The following SPMAP2L variants were observed in gnomAD, a reference collection of about 807,000 sequenced individuals.
The protein encoded by SPMAP2L is sperm microtubule associated protein 2-like.
At chr4:56,554,626 CTT>C in the SPMAP2L span, among the ~76,000 whole-genome samples, 1 of 152,120 alleles carries the variant, frequency 6.6e-6, no homozygotes, top group Non-Finnish European at 1.5e-5. Context: ...TTTTCATTCT[CTT>C]AGCAGTGTGT....
the SPMAP2L span, among the ~76,000 whole-genome samples, chr4:56,538,223 A>G: frequency 6.6e-6 from 1 of 152,210 alleles, no homozygotes; most frequent in African/African-American, 2.4e-5. Flanking sequence ...ACTCGCCCTC[A>G]TGCTCACTTG....
At chr4:56,539,956 G>T in the SPMAP2L span, among the ~76,000 whole-genome samples, 1 of 152,174 alleles carries the variant, frequency 6.6e-6, no homozygotes, top group South Asian at 2.1e-4. Flanking sequence ...CTTGGACAGG[G>T]ATTTAAGTTT....
chr4:56,563,234 A>G, the SPMAP2L span, among the ~76,000 whole-genome samples: 1 of 150,312 alleles, frequency 6.7e-6, no homozygotes, highest in Non-Finnish European at 1.5e-5. Context: ...CTAGGACTAC[A>G]GGCACATGTC....
the SPMAP2L span, among the ~76,000 whole-genome samples, chr4:56,602,398 A>G: frequency 6.6e-6 from 1 of 152,232 alleles, no homozygotes; most frequent in African/African-American, 2.4e-5. Flanking sequence ...TTCTCTGTTC[A>G]TTAAAGAGAA....
At chr4:56,574,230 G>A in the SPMAP2L span, among the ~76,000 whole-genome samples, 2 of 152,036 alleles carry the variant, frequency 1.3e-5, no homozygotes, top group Non-Finnish European at 2.9e-5. Flanking sequence ...GGCTAGCCTA[G>A]ATAATATAGC....
chr4:56,575,260 GA>G, the SPMAP2L span, among the ~76,000 whole-genome samples: 114 of 138,732 alleles, frequency 8.2e-4, 1 homozygote, highest in Middle Eastern at 3.8e-3. Flanking sequence ...AAAAAAAAAA[GA>G]AAAAAAAGAA....
the SPMAP2L span, among the ~76,000 whole-genome samples, chr4:56,566,720 A>T: frequency 1.1e-5 from 1 of 93,684 alleles, no homozygotes; most frequent in African/African-American, 3.3e-5. Context: ...TTTTTTTGGC[A>T]GAGTTTTGCT....
At chr4:56,548,662 A>AT in the SPMAP2L span, 1 of 500,002 alleles carries the variant, frequency 2.0e-6, no homozygotes, top group Non-Finnish European at 3.3e-6. Flanking sequence ...ACTATGATAT[A>AT]TTTCAGTTGG....
the SPMAP2L span, among the ~76,000 whole-genome samples, chr4:56,545,081 C>G: frequency 6.6e-6 from 1 of 152,176 alleles, no homozygotes; most frequent in Admixed American, 6.5e-5. Context: ...ATGTGATTGA[C>G]TAATCTATGA....
chr4:56,541,862 C>T, the SPMAP2L span, among the ~76,000 whole-genome samples: 1 of 152,204 alleles, frequency 6.6e-6, no homozygotes, highest in South Asian at 2.1e-4. Flanking sequence ...GTTGCCCAGG[C>T]TGGTCTTGAA....
the SPMAP2L span, among the ~76,000 whole-genome samples, chr4:56,604,650 C>T: frequency 2.0e-5 from 3 of 151,060 alleles, no homozygotes; most frequent in Non-Finnish European, 4.4e-5. Context: ...TACAGCAAGA[C>T]TCCATCTCAA....
At chr4:56,611,543 C>T in the SPMAP2L span, among the ~76,000 whole-genome samples, 1 of 152,106 alleles carries the variant, frequency 6.6e-6, no homozygotes, top group African/African-American at 2.4e-5. Flanking sequence ...ACTCATGTAA[C>T]CAAATACCAC....
At chr4:56,554,400 C>T in the SPMAP2L span, among the ~76,000 whole-genome samples, 1 of 152,134 alleles carries the variant, frequency 6.6e-6, no homozygotes, top group African/African-American at 2.4e-5. Context: ...AGTGGTATCT[C>T]ATTGTTTTAA....
chr4:56,586,908 T>TA, the SPMAP2L span, among the ~76,000 whole-genome samples: 21,485 of 151,866 alleles, frequency 0.14, 1,827 homozygotes, highest in African/African-American at 0.23. Context: ...TATAGGCACT[T>TA]AAAAAAAACT....
the SPMAP2L span, among the ~76,000 whole-genome samples, chr4:56,579,864 C>G: frequency 6.6e-6 from 1 of 152,248 alleles, no homozygotes; most frequent in African/African-American, 2.4e-5. Flanking sequence ...ATTATAAAGA[C>G]AAACTACTGA....
the SPMAP2L span, chr4:56,530,625 G>A: frequency 2.7e-6 from 4 of 1,505,352 alleles, no homozygotes; most frequent in Non-Finnish European, 3.5e-6. Flanking sequence ...ACTGCGCCTG[G>A]GCAACCAGTC....
chr4:56,578,630 G>A, the SPMAP2L span, among the ~76,000 whole-genome samples: 3 of 151,942 alleles, frequency 2.0e-5, no homozygotes, highest in South Asian at 4.1e-4. Context: ...TAAACAAATA[G>A]ACTGAAAGTA....
the SPMAP2L span, among the ~76,000 whole-genome samples, chr4:56,600,093 CTTTCTT>C: frequency 1.1e-5 from 1 of 93,840 alleles, no homozygotes; most frequent in South Asian, 3.7e-4. Context: ...TTTTTCTTTG[CTTTCTT>C]TTTTTTTTTT....
At chr4:56,612,914 A>C in the SPMAP2L span, among the ~76,000 whole-genome samples, 1 of 152,070 alleles carries the variant, frequency 6.6e-6, no homozygotes, top group African/African-American at 2.4e-5. Context: ...AAGTGCCTGG[A>C]ATTTCCCAGG....
Sources: allele counts gnomAD v4.1 joint callset (sites outside exome capture counted in the v4.1 genomes callset), GRCh38; gene constraint gnomAD v4.1.1; transcripts MANE v1.5; gene names NCBI Gene and HGNC (gene_info 2026-07-23, HGNC 2026-07-21).